MATCAP2: variants seen among roughly 807,000 people sequenced by gnomAD.
MATCAP2 encodes the protein microtubule associated tyrosine carboxypeptidase 2.
At chr7:36,366,761 T>C in the MATCAP2 span, 4 of 1,534,982 alleles carry the variant, frequency 2.6e-6, no homozygotes, top group Admixed American at 3.9e-5. Flanking sequence ...CACAGGTTTT[T>C]CGCGAGCGCC....
the MATCAP2 span, among the ~76,000 whole-genome samples, chr7:36,344,800 T>G: frequency 6.6e-6 from 1 of 152,226 alleles, no homozygotes; most frequent in Non-Finnish European, 1.5e-5. Context: ...TGAGGTTAAC[T>G]CATGGAACAG....
the MATCAP2 span, among the ~76,000 whole-genome samples, chr7:36,342,746 T>A: frequency 1.3e-5 from 2 of 152,146 alleles, no homozygotes; most frequent in African/African-American, 2.4e-5. Flanking sequence ...TGCCTCAGCC[T>A]CCTGAGTAGC....
chr7:36,356,947 G>A, the MATCAP2 span: 13 of 1,614,068 alleles, frequency 8.1e-6, no homozygotes, highest in East Asian at 2.2e-5. Context: ...TAGCTAATAC[G>A]CTTGGCAGAG....
chr7:36,373,829 G>A, the MATCAP2 span, among the ~76,000 whole-genome samples: 7 of 152,256 alleles, frequency 4.6e-5, no homozygotes, highest in East Asian at 1.2e-3. Context: ...CTGTTGCCCA[G>A]GCTGGAGTGC....
the MATCAP2 span, among the ~76,000 whole-genome samples, chr7:36,340,062 C>T: frequency 5.3e-5 from 8 of 152,180 alleles, no homozygotes; most frequent in Non-Finnish European, 1.2e-4. Flanking sequence ...TGAGGTTTCA[C>T]CATGTTGGCC....
chr7:36,333,847 G>A, the MATCAP2 span: 3 of 1,585,990 alleles, frequency 1.9e-6, no homozygotes, highest in Non-Finnish European at 1.7e-6. Context: ...AGAGTTAAGG[G>A]ACACCCACCT....
chr7:36,358,389 T>C, the MATCAP2 span, among the ~76,000 whole-genome samples: 1 of 152,214 alleles, frequency 6.6e-6, no homozygotes, highest in African/African-American at 2.4e-5. Flanking sequence ...ATTAAACAGA[T>C]GGCATCTTCA....
the MATCAP2 span, among the ~76,000 whole-genome samples, chr7:36,365,155 CTAATAT>C: frequency 2.0e-5 from 3 of 152,174 alleles, no homozygotes; most frequent in Admixed American, 6.5e-5. Flanking sequence ...CTTTCTAATA[CTAATAT>C]TAATTTATTT....
At chr7:36,342,254 A>G in the MATCAP2 span, among the ~76,000 whole-genome samples, 2 of 150,750 alleles carry the variant, frequency 1.3e-5, no homozygotes, top group Non-Finnish European at 2.9e-5. Flanking sequence ...ATCTCAGCTC[A>G]CTGCAACGTC....
At chr7:36,382,200 G>A in the MATCAP2 span, among the ~76,000 whole-genome samples, 513 of 149,886 alleles carry the variant, frequency 3.4e-3, 6 homozygotes, top group African/African-American at 0.012. Context: ...CCAGCTACTC[G>A]GGAGGCTGAG....
chr7:36,328,783 C>T, the MATCAP2 span, among the ~76,000 whole-genome samples: 183 of 151,994 alleles, frequency 1.2e-3, 4 homozygotes, highest in East Asian at 5.8e-4. Flanking sequence ...CGGTGGCTCA[C>T]GCCTGTAATC....
the MATCAP2 span, among the ~76,000 whole-genome samples, chr7:36,329,315 T>A: frequency 1.3e-5 from 2 of 152,206 alleles, no homozygotes; most frequent in Non-Finnish European, 2.9e-5. Context: ...AGAGGAGGTA[T>A]GAAAGAATCT....
At chr7:36,365,966 T>C in the MATCAP2 span, among the ~76,000 whole-genome samples, 1 of 152,246 alleles carries the variant, frequency 6.6e-6, no homozygotes. Context: ...ATCTACTCCG[T>C]ATAACACTGA....
chr7:36,330,685 T>G, the MATCAP2 span, among the ~76,000 whole-genome samples: 1 of 152,132 alleles, frequency 6.6e-6, no homozygotes, highest in African/African-American at 2.4e-5. Context: ...GGGGAAGTGT[T>G]TTAGGTGCAG....
At chr7:36,340,902 C>T in the MATCAP2 span, among the ~76,000 whole-genome samples, 1 of 152,134 alleles carries the variant, frequency 6.6e-6, no homozygotes, top group African/African-American at 2.4e-5. Flanking sequence ...AGTCTAATCC[C>T]AATTTTGGAA....
chr7:36,389,981 A>C, the MATCAP2 span: 5 of 1,613,934 alleles, frequency 3.1e-6, no homozygotes, highest in Admixed American at 5.0e-5. Flanking sequence ...CTCTTCCTGA[A>C]TTTGAACCAC....
the MATCAP2 span, among the ~76,000 whole-genome samples, chr7:36,375,006 G>T: frequency 6.6e-6 from 1 of 152,210 alleles, no homozygotes; most frequent in African/African-American, 2.4e-5. Flanking sequence ...ACATACGTGT[G>T]CATGTGTCTT....
At chr7:36,366,613 G>T in the MATCAP2 span, 1 of 1,442,048 alleles carries the variant, frequency 6.9e-7, no homozygotes, top group Non-Finnish European at 9.3e-7. Context: ...TTTGAAATAG[G>T]ATTTAACAAT....
chr7:36,383,042 A>C, the MATCAP2 span, among the ~76,000 whole-genome samples: 44 of 151,198 alleles, frequency 2.9e-4, 1 homozygote, highest in African/African-American at 1.0e-3. Context: ...TTTGGAAACA[A>C]TATAATATGT....
Sources: gnomAD v4.1 joint callset for allele counts (sites outside exome capture counted in the v4.1 genomes callset) on GRCh38, gnomAD v4.1.1 for gene constraint, MANE v1.5 for transcripts, NCBI Gene and HGNC (gene_info 2026-07-23, HGNC 2026-07-21) for gene names.